The following DYSF variants were observed in gnomAD, a reference collection of about 807,000 sequenced individuals.
DYSF encodes the protein dystrophy-associated fer-1-like 1.
In DYSF, 212 loss-of-function variants were observed where a neutral mutation model predicts 274.9. The observed-to-expected ratio is 0.77, with a 90% CI of 0.69 to 0.86. DYSF has a LOEUF of 0.86. Among genes scored for constraint, DYSF ranks in the 40% least tolerant of loss-of-function variants. The pLI is 0.00. For missense variants in DYSF, 2,666 were observed against 2,783.2 expected, an observed-to-expected ratio of 0.96 and a Z score of 0.95; for synonymous variants, 1,091 against 1,078.7, an observed-to-expected ratio of 1.01 and a Z score of -0.22.
intron 19 of DYSF, among the ~76,000 whole-genome samples, chr2:71,552,467 C>T (rs781295333): frequency 6.6e-6 from 1 of 152,228 alleles, no homozygotes; most frequent in African/African-American, 2.4e-5. Context: ...TTCTCTCAGT[C>T]GTAGGATTGA....
At chr2:71,508,615 G>A (rs1358920458) in intron 4 of DYSF, among the ~76,000 whole-genome samples, 1 of 152,156 alleles carries the variant, frequency 6.6e-6, no homozygotes, top group African/African-American at 2.4e-5. Context: ...TGTGTCTTGG[G>A]TGTGAGTGTA....
At chr2:71,595,835 T>A (rs776949174) in intron 32 of DYSF, among the ~76,000 whole-genome samples, 5 of 152,160 alleles carry the variant, frequency 3.3e-5, no homozygotes, top group Non-Finnish European at 7.3e-5. Flanking sequence ...AGCCCTATGC[T>A]GTGATGCACA....
At chr2:71,554,408 C>A (rs758359493) in intron 21 of DYSF, among the ~76,000 whole-genome samples, 8 of 152,146 alleles carry the variant, frequency 5.3e-5, no homozygotes, top group Non-Finnish European at 1.2e-4. Context: ...ACAGGGCTTT[C>A]CAAACTTAGG....
intron 41 of DYSF, among the ~76,000 whole-genome samples, chr2:71,627,707 C>A (rs1309838175): frequency 1.3e-5 from 2 of 152,102 alleles, no homozygotes; most frequent in African/African-American, 4.8e-5. Flanking sequence ...TCAATTTCTC[C>A]TTATAATTCC....
Position 71,674,238 on chromosome 2 carries a change from A to G in DYSF, c.5826A>G (p.Pro1942=). The G allele has an allele frequency of 1.2e-6, 2 of 1,614,242 alleles. No individual in the cohort carries two copies. The highest frequency in any genetic ancestry group is 1.7e-5 in the Admixed American group (1 of 60,034). ...WRLDKTESKI[P]ARVVFQIWDN... is the part of the protein sequence containing the mutation. The stretch of plus-strand genomic sequence containing the variant: ...TGGACAAGACTGAGAGCAAAATCCC[A>G]GCACGAGTGGTGTTCCAGATCTGGG... Residue 1942 remains proline (P), a synonymous_variant, in exon 52 of 56, where the codon CCA becomes CCG. Transcript: ENST00000410020.
chr2:71,493,548 G>A (rs1001080694), intron 3 of DYSF, among the ~76,000 whole-genome samples: 7 of 152,164 alleles, frequency 4.6e-5, no homozygotes, highest in Non-Finnish European at 1.0e-4. Flanking sequence ...ATTTAAGGAG[G>A]TAAAGAAACA....
rs1267235412 is a variant in DYSF at position 71,568,563 on chromosome 2, A to AT, written c.2864+225_2864+226insT. Among the ~76,000 whole-genome samples, 102 of 148,080 alleles carry AT rather than the reference A, an allele frequency of 6.9e-4. 1 individual carries two copies. Among genetic ancestry groups the AT allele is most frequent in the Non-Finnish European group, 2.5e-4 (17 of 67,076 alleles). On this transcript the variant is annotated intron_variant, in intron 26 of 55. Transcript: ENST00000410020. ...AGTCCTTTATTCTTTTCATTAAAAA[A>AT]ATTTTTTTTTTTTTTTGAGACAGAG... is the stretch of plus-strand genomic sequence containing the variant.
At chr2:71,542,194 T>C (rs77106038) in intron 17 of DYSF, among the ~76,000 whole-genome samples, 6,012 of 152,286 alleles carry the variant, frequency 0.039, 129 homozygotes, top group African/African-American at 0.058. Flanking sequence ...CATGAGGTTA[T>C]AAAAGTAAGG....
intron 24 of DYSF, among the ~76,000 whole-genome samples, chr2:71,566,373 A>AG (rs2092108173): frequency 1.3e-5 from 2 of 151,638 alleles, no homozygotes; most frequent in Non-Finnish European, 2.9e-5. Flanking sequence ...AAAAAAAAAA[A>AG]AAAAGATATA....
At chr2:71,602,260 T>A (rs2093565088) in intron 35 of DYSF, among the ~76,000 whole-genome samples, 2 of 152,190 alleles carry the variant, frequency 1.3e-5, no homozygotes, top group Non-Finnish European at 2.9e-5. Context: ...CCATTGTCCT[T>A]CACAAGGCAG....
chr2:71,686,303 A>G (rs2152976332), intron 55 of DYSF, 151 bp from the exon 56 acceptor site: 1 of 903,564 alleles, frequency 1.1e-6, no homozygotes, highest in Non-Finnish European at 1.8e-6. Flanking sequence ...AGGCGTGGGC[A>G]GGTGGTTGAA....
intron 20 of DYSF, 46 bp from the exon 21 acceptor site, chr2:71,553,761 G>T (rs202063541): frequency 6.0e-6 from 3 of 495,892 alleles, no homozygotes; most frequent in Admixed American, 3.4e-5. Flanking sequence ...CATCCCACCC[G>T]CCCTCCACTC....
rs1404505593 is a variant in DYSF at position 71,475,041 on chromosome 2, G to A, written c.92-5842G>A. 2.0e-5 allele frequency among the ~76,000 whole-genome samples: 3 copies of A among 152,208 alleles called. No homozygotes were observed. The East Asian group carries it at 5.8e-4, about 29-fold the overall frequency. On this transcript the variant is annotated intron_variant, in intron 1 of 55. Transcript: ENST00000410020. ...ACTGATTGCTGAGGAGCAAGGCCTA[G>A]AGGTTATGAGTCCTCCCTAAGGTCA...
intron 13 of DYSF, among the ~76,000 whole-genome samples, chr2:71,527,672 T>C (rs1035777058): frequency 2.0e-5 from 3 of 152,224 alleles, no homozygotes; most frequent in Admixed American, 6.5e-5. Context: ...AGTTATTAGC[T>C]AGCGTATAAT....
chr2:71,673,289 C>T (rs1048792797), intron 51 of DYSF, among the ~76,000 whole-genome samples: 11 of 152,164 alleles, frequency 7.2e-5, no homozygotes, highest in African/African-American at 2.4e-4. Context: ...GGGTGCTCCC[C>T]GGCCTCCGCA....
chr2:71,608,365 G>C (rs1453694910), intron 36 of DYSF, among the ~76,000 whole-genome samples: 1 of 152,092 alleles, frequency 6.6e-6, no homozygotes, highest in Admixed American at 6.5e-5. Flanking sequence ...CATGGTCAGA[G>C]GGGGAGCCAC....
rs540492673 is a variant in DYSF, at chr2:71,480,514, A to T, written c.92-369A>T. Reference sequence around the variant, plus strand: ...GGCTGCAGTGAGCTATGATCTCACCATCGCACTCCAGCCTGGGCAACAGAG... The same window carrying T: ...GGCTGCAGTGAGCTATGATCTCACCTTCGCACTCCAGCCTGGGCAACAGAG... On this transcript the variant is annotated intron_variant, in intron 1 of 55. Transcript: ENST00000410020. Among the ~76,000 whole-genome samples, 24 of 152,326 alleles carry T rather than the reference A, an allele frequency of 1.6e-4. No homozygotes were observed. In the South Asian group the frequency reaches 4.6e-3, roughly 29 times the overall value.
At chr2:71,645,865 G>C (rs765814214) in intron 42 of DYSF, among the ~76,000 whole-genome samples, 5 of 152,226 alleles carry the variant, frequency 3.3e-5, no homozygotes, top group Admixed American at 6.5e-5. Flanking sequence ...AGGAGAAAAT[G>C]AGAGGTGGGC....
At chr2:71,566,632 G>C (rs1452168121) in intron 24 of DYSF, among the ~76,000 whole-genome samples, 1 of 152,114 alleles carries the variant, frequency 6.6e-6, no homozygotes, top group Non-Finnish European at 1.5e-5. Flanking sequence ...AGGGGAGAGA[G>C]CCGGGGGTGG....
Sources: gnomAD v4.1 joint callset for allele counts (sites outside exome capture counted in the v4.1 genomes callset) on GRCh38, gnomAD v4.1.1 for gene constraint, MANE v1.5 for transcripts, NCBI Gene and HGNC (gene_info 2026-07-23, HGNC 2026-07-21) for gene names.